Variants in NRG3 observed in about 807,000 individuals in gnomAD.
The protein encoded by NRG3 is neuregulin 3.
In NRG3, 31 loss-of-function variants were observed where a neutral mutation model predicts 66.9. The observed-to-expected ratio is 0.46, with a 90% CI of 0.35 to 0.63. NRG3 has a LOEUF of 0.63. NRG3 is among the 20% of genes least tolerant of loss of function. The probability of loss-of-function intolerance (pLI) is 0.00; values close to 1 mark genes in which losing one functional copy is unlikely to be tolerated. For missense variants in NRG3, 910 were observed against 878.9 expected (o/e 1.04, Z -0.45); for synonymous variants, 393 against 359.4 (o/e 1.09, Z -1.06).
intron 1 of NRG3, among the ~76,000 whole-genome samples, chr10:82,047,225 T>G (rs940623605): frequency 1.3e-5 from 2 of 151,894 alleles, no homozygotes; most frequent in African/African-American, 4.8e-5. Context: ...GGTAAGCTAT[T>G]GATTATTGCC....
At chr10:82,482,528 G>A (rs1842359360) in intron 2 of NRG3, among the ~76,000 whole-genome samples, 1 of 152,106 alleles carries the variant, frequency 6.6e-6, no homozygotes, top group African/African-American at 2.4e-5. Flanking sequence ...GGAGAGGTGT[G>A]GTGTAGGGAA....
At chr10:82,117,890 G>C (rs1302087410) in intron 1 of NRG3, among the ~76,000 whole-genome samples, 1 of 152,100 alleles carries the variant, frequency 6.6e-6, no homozygotes, top group Admixed American at 6.6e-5. Flanking sequence ...AAGCCACACT[G>C]CCTGTGCTTA....
chr10:82,684,148 A>G (rs929089407), intron 2 of NRG3, among the ~76,000 whole-genome samples: 2 of 152,350 alleles, frequency 1.3e-5, no homozygotes, highest in Middle Eastern at 3.4e-3. Context: ...ACATTTTAAT[A>G]ATACAGATAC....
At chr10:82,581,974 T>A (rs947014654) in intron 2 of NRG3, among the ~76,000 whole-genome samples, 4 of 152,080 alleles carry the variant, frequency 2.6e-5, no homozygotes, top group African/African-American at 9.7e-5. Context: ...TATTAACTTT[T>A]TGTTTGCTTC....
At chr10:82,022,702 C>CT (rs2062117668) in intron 1 of NRG3, among the ~76,000 whole-genome samples, 1 of 152,008 alleles carries the variant, frequency 6.6e-6, no homozygotes. Flanking sequence ...AAATCGGAAG[C>CT]TATCAACCAC....
intron 1 of NRG3, among the ~76,000 whole-genome samples, chr10:81,972,682 TG>T: frequency 6.6e-6 from 1 of 152,108 alleles, no homozygotes; most frequent in East Asian, 1.9e-4. Flanking sequence ...TAGTGATCTG[TG>T]GGGCAACTTC....
chr10:82,737,828 G>A (rs2058230129), intron 2 of NRG3, among the ~76,000 whole-genome samples: 1 of 152,172 alleles, frequency 6.6e-6, no homozygotes, highest in Non-Finnish European at 1.5e-5. Flanking sequence ...AGGGCGGCGG[G>A]GGCATGCCTC....
chr10:82,661,460 A>G (rs976811091), intron 2 of NRG3, among the ~76,000 whole-genome samples: 1 of 151,910 alleles, frequency 6.6e-6, no homozygotes, highest in Non-Finnish European at 1.5e-5. Context: ...ACAAATATGT[A>G]TATATATATA....
chr10:82,916,764 T>TGA (rs1845873007), intron 4 of NRG3, among the ~76,000 whole-genome samples: 1 of 152,038 alleles, frequency 6.6e-6, no homozygotes, highest in Non-Finnish European at 1.5e-5. Flanking sequence ...TATAGGCGCG[T>TGA]GCCACCACGC....
intron 1 of NRG3, among the ~76,000 whole-genome samples, chr10:82,137,598 A>G (rs1195195956): frequency 6.6e-6 from 1 of 152,190 alleles, no homozygotes; most frequent in African/African-American, 2.4e-5. Flanking sequence ...CAGATTATTG[A>G]TCCATAGAAC....
At chr10:81,883,637 C>T (rs1479754605) in intron 1 of NRG3, among the ~76,000 whole-genome samples, 1 of 152,022 alleles carries the variant, frequency 6.6e-6, no homozygotes. Context: ...ATGTTACAGC[C>T]AGGGTTATGG....
chr10:82,933,718 G>A (rs1470191873), intron 4 of NRG3, among the ~76,000 whole-genome samples: 1 of 152,130 alleles, frequency 6.6e-6, no homozygotes, highest in Non-Finnish European at 1.5e-5. Context: ...ACTTAGTCCT[G>A]TGAGTTGCAT....
intron 1 of NRG3, among the ~76,000 whole-genome samples, chr10:82,240,980 A>G (rs185413541): frequency 6.6e-6 from 1 of 152,250 alleles, no homozygotes; most frequent in East Asian, 1.9e-4. Flanking sequence ...TGCTGTGGAG[A>G]CAAACTGCAA....
At chr10:81,939,468 G>C (rs1848207876) in intron 1 of NRG3, among the ~76,000 whole-genome samples, 1 of 151,762 alleles carries the variant, frequency 6.6e-6, no homozygotes, top group African/African-American at 2.4e-5. Flanking sequence ...GAGCTGTTCA[G>C]ATTTTCATAT....
chr10:81,893,390 G>A (rs1024042283), intron 1 of NRG3, among the ~76,000 whole-genome samples: 1 of 151,508 alleles, frequency 6.6e-6, no homozygotes, highest in Non-Finnish European at 1.5e-5. Flanking sequence ...ATTTTGCTTC[G>A]AGTTCGTCAT....
chr10:81,922,696 T>C (rs1846372082), intron 1 of NRG3, among the ~76,000 whole-genome samples: 1 of 152,214 alleles, frequency 6.6e-6, no homozygotes. Context: ...TGATGCTAGA[T>C]TCTTGATTTG....
At chr10:82,546,230 T>C (rs2043906884) in intron 2 of NRG3, among the ~76,000 whole-genome samples, 1 of 152,226 alleles carries the variant, frequency 6.6e-6, no homozygotes, top group Admixed American at 6.5e-5. Context: ...ACTCCAGTTC[T>C]TAGCAACTGC....
At chr10:82,448,169 TCTA>T in intron 2 of NRG3, among the ~76,000 whole-genome samples, 1 of 152,200 alleles carries the variant, frequency 6.6e-6, no homozygotes, top group East Asian at 1.9e-4. Flanking sequence ...AGAATCATAA[TCTA>T]CTATTAGAAA....
intron 2 of NRG3, among the ~76,000 whole-genome samples, chr10:82,618,260 C>T (rs1196956053): frequency 6.6e-6 from 1 of 152,112 alleles, no homozygotes; most frequent in Non-Finnish European, 1.5e-5. Context: ...CGACAATCAG[C>T]CTACCCAGAT....
Sources: gnomAD v4.1 joint callset for allele counts (sites outside exome capture counted in the v4.1 genomes callset) on GRCh38, gnomAD v4.1.1 for gene constraint, MANE v1.5 for transcripts, NCBI Gene and HGNC (gene_info 2026-07-23, HGNC 2026-07-21) for gene names.